ERC2: variants seen among roughly 807,000 people sequenced by gnomAD.
The protein encoded by ERC2 is ERC protein 2.
ERC2 carries 42 observed loss-of-function variants against 114.8 expected under a neutral mutation model. The ratio of observed to expected loss-of-function variants is 0.37; its 90% CI spans 0.29 to 0.47. ERC2 has a LOEUF of 0.47. Ranked by LOEUF, ERC2 falls within the 20% of genes least tolerant of loss-of-function variation. The pLI, the probability that ERC2 is intolerant of heterozygous loss-of-function variation, is 0.99. For synonymous variants in ERC2, 454 were observed against 425.5 expected (o/e 1.07, Z -0.82); for missense variants, 939 against 1,150.7 (o/e 0.82, Z 2.66).
intron 2 of ERC2, among the ~76,000 whole-genome samples, chr3:56,399,386 C>G (rs562221601): frequency 9.2e-5 from 14 of 152,178 alleles, no homozygotes; most frequent in African/African-American, 3.4e-4. Flanking sequence ...GCTAAGCACT[C>G]AAAACACCTT....
At position 56,008,714 on chromosome 3, in the gene ERC2, T is replaced by C. The variant is rs369878558; in HGVS notation, c.1921-1393A>G. 2.6e-5 allele frequency among the ~76,000 whole-genome samples: 4 copies of C among 152,286 alleles called. No homozygotes were observed. The East Asian group carries it at 7.7e-4, about 29-fold the overall frequency. On this transcript the variant is annotated intron_variant, in intron 9 of 17. Coordinates refer to ENST00000288221, the MANE Select transcript of ERC2 (RefSeq NM_015576.3). Reference sequence around the variant, plus strand: ...AGACATGACTAAAATCTACCATCAGTTGACTTTAAGTAAAGGAGATTATTC... The same window carrying C: ...AGACATGACTAAAATCTACCATCAGCTGACTTTAAGTAAAGGAGATTATTC...
intron 17 of ERC2, among the ~76,000 whole-genome samples, chr3:55,661,618 G>A (rs2061141100): frequency 6.6e-6 from 1 of 152,126 alleles, no homozygotes; most frequent in Non-Finnish European, 1.5e-5. Context: ...TTTAAGATAA[G>A]CTGCAAAGTC....
chr3:56,326,559 T>G (rs7641435), intron 2 of ERC2, among the ~76,000 whole-genome samples: 1 of 151,934 alleles, frequency 6.6e-6, no homozygotes, highest in South Asian at 2.1e-4. Flanking sequence ...ATTAATCCTG[T>G]ACATGCAGGT....
Position 56,253,214 on chromosome 3 carries a change from A to C in ERC2, c.1074+42805T>G, listed in dbSNP as rs2052296754. Among the ~76,000 whole-genome samples, 7 of 152,208 alleles carry C rather than the reference A, an allele frequency of 4.6e-5. No homozygotes were observed. The South Asian group carries it at 1.4e-3, about 32-fold the overall frequency. Reference sequence around the variant, plus strand: ...TCTCAAGACTGAAAAATGTAATAATAATAACTTAATGAAGATTAAAAATAA... The same window carrying C: ...TCTCAAGACTGAAAAATGTAATAATCATAACTTAATGAAGATTAAAAATAA... On this transcript the variant is annotated intron_variant, in intron 3 of 17. Coordinates refer to ENST00000288221, the MANE Select transcript of ERC2 (RefSeq NM_015576.3).
At chr3:55,660,484 G>A (rs769178716) in intron 17 of ERC2, among the ~76,000 whole-genome samples, 15 of 146,456 alleles carry the variant, frequency 1.0e-4, no homozygotes, top group African/African-American at 1.2e-4. Context: ...CGGGGGTGGC[G>A]TGGGAGTCTC....
chr3:56,026,798 T>C lies in ERC2; in HGVS notation c.1642-7767A>G, dbSNP rs907026545. Among the ~76,000 whole-genome samples, 22 of 152,336 alleles carry C rather than the reference T, an allele frequency of 1.4e-4. No individual in the cohort carries two copies. In the South Asian group the frequency reaches 2.5e-3, roughly 17 times the overall value. ...GGCCTTATTCATATATCATGAGTTT[T>C]TATATGCACTCATGTGCATTTGTGT... On this transcript the variant is annotated intron_variant, in intron 7 of 17. Transcript: ENST00000288221.
chr3:55,527,390 T>C (rs1233363313), intron 17 of ERC2, among the ~76,000 whole-genome samples: 1 of 152,212 alleles, frequency 6.6e-6, no homozygotes. Context: ...TGGAGTTGTA[T>C]GCCAGTGTAA....
chr3:55,517,217 G>A (rs774754455), intron 17 of ERC2, among the ~76,000 whole-genome samples: 22 of 152,050 alleles, frequency 1.4e-4, no homozygotes, highest in Non-Finnish European at 3.1e-4. Context: ...GAGGCGGGCG[G>A]ATCACTTGAG....
intron 3 of ERC2, among the ~76,000 whole-genome samples, chr3:56,245,288 A>T (rs575271508): frequency 6.6e-6 from 1 of 152,184 alleles, no homozygotes; most frequent in South Asian, 2.1e-4. Context: ...AAAGAACAGA[A>T]CATAATATGA....
At chr3:56,020,238 G>A (rs568297670) in intron 7 of ERC2, among the ~76,000 whole-genome samples, 27 of 152,164 alleles carry the variant, frequency 1.8e-4, no homozygotes, top group Non-Finnish European at 3.1e-4. Context: ...ATGGAAACCC[G>A]TAAACTTTGT....
At chr3:56,278,480 T>C (rs1214420589) in intron 3 of ERC2, among the ~76,000 whole-genome samples, 1 of 152,088 alleles carries the variant, frequency 6.6e-6, no homozygotes, top group African/African-American at 2.4e-5. Flanking sequence ...AAATGTAACA[T>C]AGGATCCTGG....
intron 2 of ERC2, among the ~76,000 whole-genome samples, chr3:56,372,939 A>G (rs4076863): frequency 0.33 from 50,751 of 152,022 alleles, 8,633 homozygotes; most frequent in African/African-American, 0.37. Context: ...ACAAGAAAGA[A>G]GAAATGTATC....
chr3:56,179,514 A>T (rs1260994511), intron 3 of ERC2, among the ~76,000 whole-genome samples: 1 of 152,074 alleles, frequency 6.6e-6, no homozygotes, highest in African/African-American at 2.4e-5. Flanking sequence ...AGCTAGTTAG[A>T]GGTAACTGGA....
chr3:56,201,633 G>C (rs1346502164), intron 3 of ERC2, among the ~76,000 whole-genome samples: 2 of 152,162 alleles, frequency 1.3e-5, no homozygotes, highest in African/African-American at 2.4e-5. Context: ...ACCAGGGAAG[G>C]ACTGATCAAA....
chr3:56,231,164 T>G (rs2050592669), intron 3 of ERC2, among the ~76,000 whole-genome samples: 1 of 152,242 alleles, frequency 6.6e-6, no homozygotes, highest in Admixed American at 6.5e-5. Context: ...TCATAGCTTC[T>G]GCTCTGACGC....
chr3:56,046,752 T>A (rs1420019316), intron 7 of ERC2, among the ~76,000 whole-genome samples: 1 of 152,198 alleles, frequency 6.6e-6, no homozygotes, highest in Non-Finnish European at 1.5e-5. Flanking sequence ...AAAAAGATCA[T>A]GAGCAGTCAC....
At position 55,566,767 on chromosome 3, in the gene ERC2, T is replaced by C. The variant is rs141763722; in HGVS notation, c.*40-55491A>G. On this transcript the variant is annotated intron_variant, in intron 17 of 17. Coordinates refer to ENST00000288221, the MANE Select transcript of ERC2 (RefSeq NM_015576.3). ...AGGCTGGAGTGCAGTGGTGCAATCT[T>C]GGCTCACTGAAACCTCTGCCTCCTG... Among the ~76,000 whole-genome samples, 509 of 152,086 alleles carry C rather than the reference T, an allele frequency of 3.3e-3. 5 individuals are homozygous for C. The highest frequency in any genetic ancestry group is 0.012 in the African/African-American group (485 of 41,478).
At chr3:56,140,577 A>T (rs1435265172) in intron 5 of ERC2, among the ~76,000 whole-genome samples, 2 of 152,162 alleles carry the variant, frequency 1.3e-5, no homozygotes, top group Non-Finnish European at 2.9e-5. Flanking sequence ...TCTGCTGTTG[A>T]TAGAAATTCG....
intron 17 of ERC2, among the ~76,000 whole-genome samples, chr3:55,534,687 G>A (rs1394757193): frequency 6.6e-6 from 1 of 152,006 alleles, no homozygotes; most frequent in Non-Finnish European, 1.5e-5. Flanking sequence ...CAGACCTCGT[G>A]TCAAAAAAAG....
Sources: gnomAD v4.1 joint callset for allele counts (sites outside exome capture counted in the v4.1 genomes callset) on GRCh38, gnomAD v4.1.1 for gene constraint, MANE v1.5 for transcripts, NCBI Gene and HGNC (gene_info 2026-07-23, HGNC 2026-07-21) for gene names.